RANBP10: variants seen among roughly 807,000 people sequenced by gnomAD.
RANBP10 encodes RAN binding protein 10.
RANBP10 carries 24 observed loss-of-function variants against 72.8 expected under a neutral mutation model. That is an observed-to-expected ratio of 0.33 (90% CI 0.24 to 0.46). The LOEUF (loss-of-function observed/expected upper bound fraction) is 0.46, where lower values mean the gene tolerates loss of function less well. Among genes scored for constraint, RANBP10 ranks in the 20% least tolerant of loss-of-function variants. The pLI, the probability that RANBP10 is intolerant of heterozygous loss-of-function variation, is 1.00. For synonymous variants in RANBP10, 310 were observed against 322.3 expected (o/e 0.96, Z 0.41); for missense variants, 679 against 817.5 (o/e 0.83, Z 2.07).
chr16:67,783,075 A>G (rs1487274589), intron 2 of RANBP10, among the ~76,000 whole-genome samples: 1 of 151,986 alleles, frequency 6.6e-6, no homozygotes, highest in African/African-American at 2.4e-5. Context: ...GCTGCATCAC[A>G]ACAGTACAGC....
At chr16:67,732,892 A>G (rs2053761369) in intron 6 of RANBP10, among the ~76,000 whole-genome samples, 1 of 151,706 alleles carries the variant, frequency 6.6e-6, no homozygotes, top group Admixed American at 6.6e-5. Context: ...CTAAAAAAAT[A>G]CAAAAAAAAA....
intron 2 of RANBP10, among the ~76,000 whole-genome samples, chr16:67,798,777 G>A (rs1156342070): frequency 6.6e-6 from 1 of 152,102 alleles, no homozygotes; most frequent in Non-Finnish European, 1.5e-5. Flanking sequence ...CCTGGACAAG[G>A]GCTCTTGGCC....
chr16:67,798,955 T>TCA (rs2055182479), intron 2 of RANBP10, among the ~76,000 whole-genome samples: 3 of 152,292 alleles, frequency 2.0e-5, no homozygotes, highest in African/African-American at 7.2e-5. Flanking sequence ...AGACAGAGTC[T>TCA]CACTCTGTCA....
chr16:67,743,459 C>T (rs573460335), intron 4 of RANBP10, among the ~76,000 whole-genome samples: 48 of 152,280 alleles, frequency 3.2e-4, no homozygotes, highest in Middle Eastern at 3.4e-3. Flanking sequence ...CTGGTAGGCA[C>T]GGCATCAGAA....
At chr16:67,749,922 C>T (rs2054162715) in intron 3 of RANBP10, among the ~76,000 whole-genome samples, 1 of 152,190 alleles carries the variant, frequency 6.6e-6, no homozygotes. Context: ...CTTGCCCTGA[C>T]AGGATCCACA....
At chr16:67,755,449 C>T (rs2054269015) in intron 3 of RANBP10, among the ~76,000 whole-genome samples, 1 of 152,008 alleles carries the variant, frequency 6.6e-6, no homozygotes, top group South Asian at 2.1e-4. Flanking sequence ...TTTGGGAGGC[C>T]GAGGTGGGTG....
intron 2 of RANBP10, among the ~76,000 whole-genome samples, chr16:67,773,868 C>T (rs995656067): frequency 6.6e-6 from 1 of 152,334 alleles, no homozygotes; most frequent in East Asian, 1.9e-4. Context: ...CTGGACAGGA[C>T]TGCTCAGTCA....
chr16:67,731,401 G>T, intron 7 of RANBP10, 71 bp downstream of exon 7: 1 of 1,341,884 alleles, frequency 7.5e-7, no homozygotes, highest in Non-Finnish European at 1.1e-6. Flanking sequence ...GTTAACCAGG[G>T]TTGACATGAG....
At chr16:67,745,758 G>A (rs2054060461) in intron 3 of RANBP10, among the ~76,000 whole-genome samples, 1 of 151,964 alleles carries the variant, frequency 6.6e-6, no homozygotes, top group Non-Finnish European at 1.5e-5. Flanking sequence ...GGTGGCTCAT[G>A]CTTGTAATCC....
Position 67,731,462 on chromosome 16 carries a change from TA to T in RANBP10, c.889+9del. 6.2e-7 allele frequency: 1 copy of T among 1,603,018 alleles called. No homozygotes were observed. The highest frequency in any genetic ancestry group is 1.1e-5 in the South Asian group (1 of 90,860). Reference sequence around the variant, plus strand: ...GAGGAAGGGAAAGGGGAAAGTAGAATAAACCTTACTTTGTCTGTTCTTTATG... The same window carrying T: ...GAGGAAGGGAAAGGGGAAAGTAGAATAACCTTACTTTGTCTGTTCTTTATG... On this transcript the variant is annotated intron_variant, in intron 7 of 13. Transcript: ENST00000317506.
At chr16:67,757,847 G>T (rs1208432676) in intron 3 of RANBP10, among the ~76,000 whole-genome samples, 1 of 152,164 alleles carries the variant, frequency 6.6e-6, no homozygotes, top group East Asian at 1.9e-4. Flanking sequence ...AGGTAGGAAG[G>T]TCTGGCAGTG....
intron 2 of RANBP10, among the ~76,000 whole-genome samples, chr16:67,791,151 C>T (rs1319877865): frequency 1.3e-5 from 2 of 151,756 alleles, no homozygotes; most frequent in African/African-American, 4.8e-5. Context: ...GTAGCTGGGA[C>T]TGTAGGCGTG....
intron 12 of RANBP10, 33 bp downstream of exon 12, chr16:67,727,718 C>T: frequency 1.2e-6 from 2 of 1,613,866 alleles, no homozygotes; most frequent in Middle Eastern, 1.6e-4. Context: ...CCAAATGGGG[C>T]CTGCTCTGCA....
intron 2 of RANBP10, among the ~76,000 whole-genome samples, chr16:67,788,789 T>A (rs1016758542): frequency 3.0e-4 from 45 of 150,770 alleles, no homozygotes; most frequent in Non-Finnish European, 5.9e-4. Context: ...TCTCTTGAGG[T>A]CAGGAGTTCG....
chr16:67,744,088 T>TA, intron 4 of RANBP10, 200 bp downstream of exon 4: 2 of 985,260 alleles, frequency 2.0e-6, no homozygotes, highest in Non-Finnish European at 2.4e-6. Context: ...CTGGGCTGGA[T>TA]AAACGCAGCT....
rs2053597480 is a variant in RANBP10, at chr16:67,726,316, A to C, written c.*112T>G. 1 of 1,487,796 alleles carries C rather than the reference A, an allele frequency of 6.7e-7. No individual in the cohort carries two copies. The highest frequency in any genetic ancestry group is 1.4e-5 in the African/African-American group (1 of 72,552). The allele number at this position is 1,487,796 out of a possible 1,614,324, so 92.2% of individuals were successfully genotyped here. A position where few individuals can be genotyped will look rare whatever the true frequency, so the allele number is the denominator to read the frequency against. ...AGAGGGGGAAAGGCCAGGCAGGAGG[A>C]GTGGACTCTGTCTATGGTTTCCCAG... On this transcript the variant is annotated 3_prime_UTR_variant, in exon 14 of 14. Coordinates refer to ENST00000317506, the MANE Select transcript of RANBP10 (RefSeq NM_020850.3).
chr16:67,757,379 C>G (rs562645815), intron 3 of RANBP10, among the ~76,000 whole-genome samples: 1 of 152,206 alleles, frequency 6.6e-6, no homozygotes, highest in Non-Finnish European at 1.5e-5. Context: ...CCTGGGGAAG[C>G]AATCTAACCC....
chr16:67,776,951 C>G (rs1475480107), intron 2 of RANBP10, among the ~76,000 whole-genome samples: 1 of 152,066 alleles, frequency 6.6e-6, no homozygotes, highest in Non-Finnish European at 1.5e-5. Context: ...GTGGCTCACG[C>G]CTGTAATCCT....
intron 5 of RANBP10, among the ~76,000 whole-genome samples, chr16:67,736,505 G>C (rs1252834296): frequency 6.6e-6 from 1 of 152,150 alleles, no homozygotes; most frequent in Non-Finnish European, 1.5e-5. Context: ...ACCTTTTCCT[G>C]TATGCTGGCT....
Sources: allele counts gnomAD v4.1 joint callset (sites outside exome capture counted in the v4.1 genomes callset), GRCh38; gene constraint gnomAD v4.1.1; transcripts MANE v1.5; gene names NCBI Gene and HGNC (gene_info 2026-07-23, HGNC 2026-07-21).